ABLIM3: variants seen among roughly 807,000 people sequenced by gnomAD.
ABLIM3 encodes the protein actin-binding LIM protein 3.
In ABLIM3, 61 loss-of-function variants were observed where a neutral mutation model predicts 109.5. The observed-to-expected ratio is 0.56, with a 90% CI of 0.45 to 0.69. ABLIM3 has a LOEUF of 0.69. Ranked by LOEUF, ABLIM3 falls within the 30% of genes least tolerant of loss-of-function variation. The pLI is 0.00. For synonymous variants in ABLIM3, 300 were observed against 324.8 expected (o/e 0.92, Z 0.82); for missense variants, 796 against 889.5 (o/e 0.89, Z 1.34).
intron 3 of ABLIM3, among the ~76,000 whole-genome samples, chr5:149,184,272 A>G (rs954868974): frequency 6.6e-6 from 1 of 152,172 alleles, no homozygotes; most frequent in Non-Finnish European, 1.5e-5. Flanking sequence ...ATGTCTCTCC[A>G]GCCTCCACAT....
intron 3 of ABLIM3, 43 bp downstream of exon 3, chr5:149,183,632 C>G (rs753922922): frequency 2.0e-6 from 3 of 1,478,158 alleles, no homozygotes; most frequent in Non-Finnish European, 2.7e-6. Flanking sequence ...GATTCCTGAC[C>G]ATTCTTGCAC....
intron 2 of ABLIM3, among the ~76,000 whole-genome samples, chr5:149,159,782 T>C (rs1754169924): frequency 6.6e-6 from 1 of 152,122 alleles, no homozygotes; most frequent in Non-Finnish European, 1.5e-5. Flanking sequence ...CTCAAGAACC[T>C]CCTCTCCAAC....
At chr5:149,205,463 A>G (rs758741445) in intron 5 of ABLIM3, among the ~76,000 whole-genome samples, 19 of 152,174 alleles carry the variant, frequency 1.2e-4, no homozygotes, top group Non-Finnish European at 2.5e-4. Context: ...ATACAAGTTC[A>G]GTATTAGTGA....
intron 23 of ABLIM3, among the ~76,000 whole-genome samples, chr5:149,256,213 G>A (rs970517617): frequency 1.3e-5 from 2 of 152,178 alleles, no homozygotes; most frequent in Non-Finnish European, 2.9e-5. Context: ...ACTTGAGGGT[G>A]AGTCTACCAT....
intron 16 of ABLIM3, among the ~76,000 whole-genome samples, chr5:149,246,091 G>A (rs1204707588): frequency 2.6e-5 from 4 of 152,124 alleles, no homozygotes; most frequent in Non-Finnish European, 5.9e-5. Context: ...TGAGCCTGGG[G>A]ACTTGAGGCT....
rs1753797547 is a variant in ABLIM3 at position 149,250,322 on chromosome 5, G to A, written c.1730-125G>A. The A allele has an allele frequency of 2.0e-5, 17 of 860,196 alleles. No individual in the cohort carries two copies. The South Asian group carries it at 2.4e-4, about 12-fold the overall frequency. The allele number at this position is 860,196 out of a possible 1,614,324, so 53.3% of individuals were successfully genotyped here. On this transcript the variant is annotated intron_variant, in intron 19 of 23. Coordinates refer to ENST00000309868, the MANE Select transcript of ABLIM3 (RefSeq NM_014945.5). Reference sequence around the variant, plus strand: ...TGGAGAGCATCAGGAAGAGTTGGTGGCCTCTGGCCTCCACCCCTTCCTGCT... The same window carrying A: ...TGGAGAGCATCAGGAAGAGTTGGTGACCTCTGGCCTCCACCCCTTCCTGCT...
chr5:149,196,031 C>A (rs1420364901), intron 3 of ABLIM3, among the ~76,000 whole-genome samples: 1 of 152,158 alleles, frequency 6.6e-6, no homozygotes, highest in African/African-American at 2.4e-5. Flanking sequence ...TGAACAGAGG[C>A]CCCAGAGAAG....
chr5:149,227,361 C>T (rs1264753540), intron 8 of ABLIM3, among the ~76,000 whole-genome samples: 1 of 152,174 alleles, frequency 6.6e-6, no homozygotes, highest in Admixed American at 6.5e-5. Flanking sequence ...ACTGCAGAGC[C>T]TGGAATTGTG....
At chr5:149,246,376 G>T (rs1474773094) in intron 16 of ABLIM3, 106 bp from the exon 17 acceptor site, 5 of 1,082,224 alleles carry the variant, frequency 4.6e-6, no homozygotes, top group Middle Eastern at 2.2e-4. Context: ...TGAAAAATAA[G>T]ATTAAAAAGA....
intron 2 of ABLIM3, among the ~76,000 whole-genome samples, chr5:149,161,246 G>A (rs1341377827): frequency 6.6e-6 from 1 of 152,182 alleles, no homozygotes; most frequent in Non-Finnish European, 1.5e-5. Flanking sequence ...TGTGACATCA[G>A]TGCTATGGGA....
At chr5:149,236,833 G>A (rs1311680219) in intron 10 of ABLIM3, among the ~76,000 whole-genome samples, 3 of 152,240 alleles carry the variant, frequency 2.0e-5, no homozygotes, top group African/African-American at 7.2e-5. Flanking sequence ...TTCAAAAGGA[G>A]GATAATGTTG....
intron 14 of ABLIM3, among the ~76,000 whole-genome samples, chr5:149,241,492 C>T (rs1183417188): frequency 6.6e-6 from 1 of 152,084 alleles, no homozygotes; most frequent in Non-Finnish European, 1.5e-5. Context: ...CTGGCGTGGT[C>T]GCTCACGCCT....
intron 20 of ABLIM3, 27 bp from the exon 21 acceptor site, chr5:149,251,332 C>G (rs1427431900): frequency 6.2e-7 from 1 of 1,613,500 alleles, no homozygotes; most frequent in Non-Finnish European, 8.5e-7. Flanking sequence ...TTATCTCAGG[C>G]CAGCCGTGGT....
At chr5:149,185,196 G>T (rs1561563299) in intron 3 of ABLIM3, among the ~76,000 whole-genome samples, 2 of 152,146 alleles carry the variant, frequency 1.3e-5, no homozygotes, top group African/African-American at 4.8e-5. Flanking sequence ...TGGCTGGGAA[G>T]TGTTTCCCAG....
At chr5:149,186,729 G>T (rs1756994850) in intron 3 of ABLIM3, among the ~76,000 whole-genome samples, 1 of 151,988 alleles carries the variant, frequency 6.6e-6, no homozygotes, top group South Asian at 2.1e-4. Context: ...ATAATGGAAT[G>T]AGAGCCAGCA....
chr5:149,204,965 A>T (rs949432118), intron 5 of ABLIM3, among the ~76,000 whole-genome samples: 6 of 152,224 alleles, frequency 3.9e-5, no homozygotes, highest in African/African-American at 1.4e-4. Flanking sequence ...ATGAAAGGAT[A>T]CAGCTATGCA....
chr5:149,243,541 G>A (rs1482952495), intron 15 of ABLIM3: 2 of 152,198 alleles, frequency 1.3e-5, no homozygotes, highest in Admixed American at 6.6e-5. Flanking sequence ...GACAATACGA[G>A]TTTAAACAGC....
intron 5 of ABLIM3, among the ~76,000 whole-genome samples, chr5:149,205,581 C>A (rs1298910074): frequency 2.0e-5 from 3 of 152,174 alleles, no homozygotes; most frequent in Non-Finnish European, 4.4e-5. Flanking sequence ...GGGTACCTGA[C>A]CTCTCTAAAC....
At chr5:149,142,851 C>T (rs542921990) in intron 2 of ABLIM3, among the ~76,000 whole-genome samples, 1 of 152,242 alleles carries the variant, frequency 6.6e-6, no homozygotes, top group Non-Finnish European at 1.5e-5. Context: ...TGTTTCTCTT[C>T]AATGTAGCGC....
Sources: gnomAD v4.1 joint callset for allele counts (sites outside exome capture counted in the v4.1 genomes callset) on GRCh38, gnomAD v4.1.1 for gene constraint, MANE v1.5 for transcripts, NCBI Gene and HGNC (gene_info 2026-07-23, HGNC 2026-07-21) for gene names.